The following CHRM4 variants were observed in gnomAD, a reference collection of about 807,000 sequenced individuals.
CHRM4 encodes muscarinic acetylcholine receptor M4.
CHRM4 carries 5 observed loss-of-function variants against 26.3 expected under a neutral mutation model. The observed-to-expected ratio is 0.19, with a 90% CI of 0.10 to 0.40. The LOEUF (loss-of-function observed/expected upper bound fraction) is 0.40. Among genes scored for constraint, CHRM4 ranks in the 10% least tolerant of loss-of-function variants. The probability of loss-of-function intolerance (pLI) is 1.00; values close to 1 mark genes in which losing one functional copy is unlikely to be tolerated. For synonymous variants in CHRM4, 290 were observed against 285.3 expected (o/e 1.02, Z -0.16); for missense variants, 402 against 664.5 (o/e 0.60, Z 4.34).
In CHRM4 at chr11:46,385,434, C is replaced by A. The variant is rs781689933; in HGVS notation, c.1124G>T (p.Arg375Leu). Reference protein sequence around the residue: ...AGMRPAANVARKFASIARNQV... With the variant: ...AGMRPAANVALKFASIARNQV... ...GTTGCGAGCGATGCTGGCGAACTTG[C>A]GGGCCACGTTGGCCGCAGGGCGCAT... The change falls in exon 2 of 2, where the codon CGC becomes CTC. Residue 375 changes from arginine to leucine, a missense_variant. Arg to Leu is a moderately radical substitution (Grantham distance 102). This residue lies in a region of CHRM4 where 205 missense variants were observed against 244.0 expected (regional missense o/e 0.84). Coordinates refer to ENST00000682254, the MANE Select transcript of CHRM4 (RefSeq NM_000741.5). The surrounding 1 kb of genome is among the most constrained non-coding windows in gnomAD (Gnocchi z 6.3). The A allele has an allele frequency of 2.5e-6, 4 of 1,607,930 alleles. No homozygotes were observed. The highest frequency in any genetic ancestry group is 2.2e-5 in the East Asian group (1 of 44,674).
intron 1 of CHRM4, among the ~76,000 whole-genome samples, chr11:46,388,184 C>T (rs1326810343): frequency 6.6e-6 from 1 of 152,216 alleles, no homozygotes; most frequent in Non-Finnish European, 1.5e-5. Context: ...GCCACGCCAG[C>T]CCAGCAGGCA....
At position 46,391,030 on chromosome 11, in the gene CHRM4, G is replaced by C. The variant is rs1289619780; in HGVS notation, c.-30+501C>G. ...CTTCCGTTGCGGGGCCGGAGGAGGG[G>C]GCCTGGAGCTGGAGGACCCCGGCTT... On this transcript the variant is annotated intron_variant, in intron 1 of 1. Coordinates refer to ENST00000682254, the MANE Select transcript of CHRM4 (RefSeq NM_000741.5). The surrounding 1 kb of genome is among the most constrained non-coding windows in gnomAD (Gnocchi z 6.3). Among the ~76,000 whole-genome samples the C allele has an allele frequency of 1.3e-5, 2 of 152,104 alleles. No homozygotes were observed. Among genetic ancestry groups the C allele is most frequent in the Non-Finnish European group, 2.9e-5 (2 of 67,996 alleles).
rs537122117 is a variant in CHRM4 at position 46,385,730 on chromosome 11, G to T, written c.828C>A (p.Pro276=). The T allele has an allele frequency of 1.9e-6, 3 of 1,581,642 alleles. No individual in the cohort carries two copies. The highest frequency in any genetic ancestry group is 2.6e-6 in the Non-Finnish European group (3 of 1,164,066). The change falls in exon 2 of 2, where the codon CCC becomes CCA. Residue 276 remains proline (P), a synonymous_variant. Transcript: ENST00000682254. The surrounding 1 kb of genome is among the most constrained non-coding windows in gnomAD (Gnocchi z 6.3). The part of the protein sequence containing the change: ...ELRNGKLEEA[P]PPALPPPPRP... ...GCGGTGGCGGTGGCAGCGCTGGCGG[G>T]GGGGCCTCCTCCAGCTTGCCATTGC...
At position 46,385,568 on chromosome 11, in the gene CHRM4, C is replaced by T. The variant is rs201888287; in HGVS notation, c.990G>A (p.Pro330=). The change falls in exon 2 of 2, where the codon CCG becomes CCA. Residue 330 remains proline, a synonymous_variant. Transcript: ENST00000682254. The surrounding 1 kb of genome is among the most constrained non-coding windows in gnomAD (Gnocchi z 6.3). ...TPAMPAPPLQ[P]RALNPASRWS... is the part of the protein sequence containing the mutation. The stretch of plus-strand genomic sequence containing the variant: ...ATCTGGAGGCTGGGTTGAGGGCCCG[C>T]GGCTGCAGGGGAGGGGCGGGCATGG... 1.1e-4 allele frequency: 166 copies of T among 1,561,898 alleles called. 1 individual carries two copies. The highest frequency in any genetic ancestry group is 7.0e-4 in the East Asian group (31 of 44,182).
intron 1 of CHRM4, among the ~76,000 whole-genome samples, chr11:46,387,947 A>C (rs974003293): frequency 6.6e-6 from 1 of 151,942 alleles, no homozygotes; most frequent in Admixed American, 6.5e-5. Flanking sequence ...TCCACAGTCC[A>C]CTCCGCACAC....
chr11:46,387,545 A>G (rs1945352648), intron 1 of CHRM4, among the ~76,000 whole-genome samples: 1 of 152,202 alleles, frequency 6.6e-6, no homozygotes, highest in South Asian at 2.1e-4. Flanking sequence ...AAGCCTGACC[A>G]AGGTTTCACG....
rs201531893 is a variant in CHRM4 at position 46,385,785 on chromosome 11, G to A, written c.773C>T (p.Pro258Leu). The A allele has an allele frequency of 1.1e-4, 169 of 1,594,792 alleles. No homozygotes were observed. The highest frequency in any genetic ancestry group is 1.7e-4 in the Middle Eastern group (1 of 6,012). Residue 258 changes from proline (P) to leucine (L), a missense_variant, in exon 2 of 2, where the codon CCG (proline) becomes CTG (leucine). This residue lies in a region of CHRM4 where 205 missense variants were observed against 244.0 expected (regional missense o/e 0.84). Transcript: ENST00000682254. The surrounding 1 kb of genome is among the most constrained non-coding windows in gnomAD (Gnocchi z 6.3). ...CTCCTCCCGGGCGGCCTCCCCGGGCGGGGGCTTCTTGACGCTCTGCTTCAT... is the reference window on the plus strand; with the variant it reads ...CTCCTCCCGGGCGGCCTCCCCGGGCAGGGGCTTCTTGACGCTCTGCTTCAT... ...PLMKQSVKKP[P>L]PGEAAREELR...
In CHRM4 at chr11:46,391,335, C is replaced by G. The variant is rs1945390243; in HGVS notation, c.-30+196G>C. On this transcript the variant is annotated intron_variant, in intron 1 of 1. Transcript: ENST00000682254. The surrounding 1 kb of genome is among the most constrained non-coding windows in gnomAD (Gnocchi z 6.3). ...ACGGCTGCCCCTGGCTCCGTGGGGT[C>G]TGTGGGCGGGCAATCCCCCGCCCCC... Among the ~76,000 whole-genome samples the G allele has an allele frequency of 6.6e-6, 1 of 152,088 alleles. No homozygotes were observed. Among genetic ancestry groups the G allele is most frequent in the African/African-American group, 2.4e-5 (1 of 41,428 alleles).
At chr11:46,388,964 AGATT>A (rs968678534) in intron 1 of CHRM4, among the ~76,000 whole-genome samples, 1 of 152,248 alleles carries the variant, frequency 6.6e-6, no homozygotes, top group African/African-American at 2.4e-5. Context: ...CTTTTAATAT[AGATT>A]ATCTGGTTTA....
In CHRM4 at chr11:46,385,163, C is replaced by G; in HGVS notation, c.1395G>C (p.Arg465=). The G allele has an allele frequency of 6.2e-7, 1 of 1,613,522 alleles. No homozygotes were observed. The highest frequency in any genetic ancestry group is 8.5e-7 in the Non-Finnish European group (1 of 1,179,580). ...TCCGATACTGGCACAGCAGCAGGTG[C>G]CGGAAGGTCTTTTTAAAGGTGGCGT... ...LCNATFKKTF[R]HLLLCQYRNI... is the part of the protein sequence containing the mutation. Residue 465 remains arginine, a synonymous_variant, in exon 2 of 2, where the codon CGG becomes CGC. Coordinates refer to ENST00000682254, the MANE Select transcript of CHRM4 (RefSeq NM_000741.5). The surrounding 1 kb of genome is among the most constrained non-coding windows in gnomAD (Gnocchi z 6.3).
Position 46,386,018 on chromosome 11 carries a change from C to T in CHRM4, c.540G>A (p.Val180=), listed in dbSNP as rs201249818. 13 of 1,613,184 alleles carry T rather than the reference C, an allele frequency of 8.1e-6. No individual in the cohort carries two copies. The highest frequency in any genetic ancestry group is 1.0e-5 in the Non-Finnish European group (12 of 1,179,804). The change falls in exon 2 of 2, where the codon GTG becomes GTA. Residue 180 remains valine (V), a synonymous_variant. Coordinates refer to ENST00000682254, the MANE Select transcript of CHRM4 (RefSeq NM_000741.5). The surrounding 1 kb of genome is among the most constrained non-coding windows in gnomAD (Gnocchi z 5.8). ...FWQFVVGKRT[V]PDNQCFIQFL... is the part of the protein sequence containing the mutation. ...ACTGGATGAAGCACTGGTTGTCGGG[C>T]ACCGTCCGCTTACCCACCACAAACT... is the stretch of plus-strand genomic sequence containing the variant.
chr11:46,391,450 TC>T lies in CHRM4; in HGVS notation c.-30+80del, dbSNP rs1309897879. 1.3e-5 allele frequency among the ~76,000 whole-genome samples: 2 copies of T among 148,368 alleles called. No homozygotes were observed. The highest frequency in any genetic ancestry group is 3.0e-5 in the Non-Finnish European group (2 of 66,944). On this transcript the variant is annotated intron_variant, in intron 1 of 1. Coordinates refer to ENST00000682254, the MANE Select transcript of CHRM4 (RefSeq NM_000741.5). The surrounding 1 kb of genome is among the most constrained non-coding windows in gnomAD (Gnocchi z 6.3). The stretch of plus-strand genomic sequence containing the variant: ...GCCCCCGGCCTTGCTTCCAGCGGGG[TC>T]CCCCAGCCCCGGCCCACTGCCGCTC...
Position 46,386,333 on chromosome 11 carries a change from C to A in CHRM4, c.225G>T (p.Ala75=), listed in dbSNP as rs202200783. 1.6e-5 allele frequency: 26 copies of A among 1,613,844 alleles called. No homozygotes were observed. The highest frequency in any genetic ancestry group is 2.1e-5 in the Non-Finnish European group (25 of 1,179,926). The part of the protein sequence containing the change: ...TVNNYFLFSL[A]CADLIIGAFS... Reference sequence around the variant, plus strand: ...AGGCGCCTATGATGAGATCAGCACACGCCAGGCTGAAGAGGAAGTAGTTGT... The same window carrying A: ...AGGCGCCTATGATGAGATCAGCACAAGCCAGGCTGAAGAGGAAGTAGTTGT... The change falls in exon 2 of 2, where the codon GCG becomes GCT. Residue 75 remains alanine (A), a synonymous_variant. Coordinates refer to ENST00000682254, the MANE Select transcript of CHRM4 (RefSeq NM_000741.5). This position sits in a 1 kb window ranked among gnomAD's most constrained non-coding sequence, Gnocchi z 5.8.
In CHRM4 at chr11:46,386,280, A is replaced by G. The variant is rs756391180; in HGVS notation, c.278T>C (p.Ile93Thr). ...AFSMNLYTVYIIKGYWPLGAV... is the reference protein window; with the variant it reads ...AFSMNLYTVYTIKGYWPLGAV... The stretch of plus-strand genomic sequence containing the variant: ...GCCCAGGGGCCAGTAGCCCTTGATG[A>G]TGTACACGGTGTAGAGGTTCATGGA... The change falls in exon 2 of 2, where the codon ATC becomes ACC. Residue 93 changes from isoleucine (I) to threonine (T), a missense_variant. This residue lies in a region of CHRM4 where 92 missense variants were observed against 133.1 expected (regional missense o/e 0.69). Transcript: ENST00000682254. The surrounding 1 kb of genome is among the most constrained non-coding windows in gnomAD (Gnocchi z 5.8). The G allele has an allele frequency of 4.3e-6, 7 of 1,613,742 alleles. No homozygotes were observed. Among genetic ancestry groups the G allele is most frequent in the Non-Finnish European group, 5.9e-6 (7 of 1,179,880 alleles).
chr11:46,388,046 C>G (rs542469052), intron 1 of CHRM4, among the ~76,000 whole-genome samples: 1 of 152,222 alleles, frequency 6.6e-6, no homozygotes, highest in African/African-American at 2.4e-5. Flanking sequence ...TCTCCTCCCC[C>G]TCTTCCTCTT....
rs1318184041 is a variant in CHRM4 at position 46,391,692 on chromosome 11, G to A, written c.-191C>T. Among the ~76,000 whole-genome samples the A allele has an allele frequency of 6.7e-6, 1 of 148,920 alleles. No homozygotes were observed. The highest frequency in any genetic ancestry group is 1.5e-5 in the Non-Finnish European group (1 of 66,730). ...ACGCGCGGCCCCGCGGGCCGGCGGGGCGGGCGGCCGGGCCGAGGGCCGGGG... is the reference window on the plus strand; with the variant it reads ...ACGCGCGGCCCCGCGGGCCGGCGGGACGGGCGGCCGGGCCGAGGGCCGGGG... On this transcript the variant is annotated 5_prime_UTR_variant, in exon 1 of 2. Coordinates refer to ENST00000682254, the MANE Select transcript of CHRM4 (RefSeq NM_000741.5). The surrounding 1 kb of genome is among the most constrained non-coding windows in gnomAD (Gnocchi z 6.3).
At position 46,384,384 on chromosome 11, in the gene CHRM4, G is replaced by A. The variant is rs1945310208; in HGVS notation, c.*734C>T. Among the ~76,000 whole-genome samples the A allele has an allele frequency of 6.6e-6, 1 of 152,230 alleles. No homozygotes were observed. Among genetic ancestry groups the A allele is most frequent in the South Asian group, 2.1e-4 (1 of 4,834 alleles). On this transcript the variant is annotated 3_prime_UTR_variant, in exon 2 of 2. Coordinates refer to ENST00000682254, the MANE Select transcript of CHRM4 (RefSeq NM_000741.5). ...CTCACCCTGACTCGATGTGTGACCT[G>A]GGACAGCCTTCTAAGGCCGGGGCTG...
Position 46,384,169 on chromosome 11 carries a change from G to A in CHRM4, c.*949C>T, listed in dbSNP as rs770111373. 3.3e-5 allele frequency among the ~76,000 whole-genome samples: 5 copies of A among 152,202 alleles called. No individual in the cohort carries two copies. The highest frequency in any genetic ancestry group is 7.3e-5 in the Non-Finnish European group (5 of 68,038). ...GCCAATCAGGAAGGTTCTACCCATGGGGGAGAGCAGATGCGAGGGCTGCGT... is the reference window on the plus strand; with the variant it reads ...GCCAATCAGGAAGGTTCTACCCATGAGGGAGAGCAGATGCGAGGGCTGCGT... On this transcript the variant is annotated 3_prime_UTR_variant, in exon 2 of 2. Coordinates refer to ENST00000682254, the MANE Select transcript of CHRM4 (RefSeq NM_000741.5).
intron 1 of CHRM4, among the ~76,000 whole-genome samples, chr11:46,390,203 C>A (rs192868890): frequency 4.3e-4 from 65 of 152,264 alleles, no homozygotes; most frequent in African/African-American, 1.5e-3. Flanking sequence ...TTGCACCTGG[C>A]CTGTGGGTGA....
Sources: gnomAD v4.1 joint callset for allele counts (sites outside exome capture counted in the v4.1 genomes callset) on GRCh38, gnomAD v4.1.1 for gene constraint, gnomAD v4.1.1 regional missense constraint, Gnocchi (gnomAD v3.1) non-coding constraint, MANE v1.5 for transcripts, NCBI Gene and HGNC (gene_info 2026-07-23, HGNC 2026-07-21) for gene names.